Variants in STAT6 observed in about 807,000 individuals in gnomAD.
STAT6 encodes the protein signal transducer and activator of transcription 6.
In STAT6, 45 loss-of-function variants were observed where a neutral mutation model predicts 106.3. The observed-to-expected ratio is 0.42, with a 90% CI of 0.33 to 0.54. The LOEUF (loss-of-function observed/expected upper bound fraction) is 0.54, where lower values mean the gene tolerates loss of function less well. Ranked by LOEUF, STAT6 falls within the 20% of genes least tolerant of loss-of-function variation. The pLI is 0.06. For missense variants in STAT6, 797 were observed against 1,062.2 expected (o/e 0.75, Z 3.47); for synonymous variants, 413 against 413.6 (o/e 1.00, Z 0.02).
rs777231084 is a variant in STAT6, at chr12:57,104,569, C to T, written c.1107G>A (p.Lys369=). ...LFKNLLLKKI[K]RCERKGTESV... The stretch of plus-strand genomic sequence containing the variant: ...ACTCAGTGCCCTTCCGCTCACACCG[C>T]TTGATCTTCTTGAGAAGCTGTGGGT... The change falls in exon 11 of 22, where the codon AAG becomes AAA. Residue 369 remains lysine, a synonymous_variant. Transcript: ENST00000300134. 2 of 1,613,938 alleles carry T rather than the reference C, an allele frequency of 1.2e-6. No homozygotes were observed. Among genetic ancestry groups the T allele is most frequent in the African/African-American group, 1.3e-5 (1 of 74,918 alleles).
intron 6 of STAT6, 93 bp downstream of exon 6, chr12:57,106,435 T>C: frequency 6.2e-7 from 1 of 1,608,012 alleles, no homozygotes; most frequent in Non-Finnish European, 8.5e-7. Flanking sequence ...GGCATTCCCT[T>C]GCCCTACTTC....
At chr12:57,106,506 C>T (rs993259182) in intron 6 of STAT6, 22 bp downstream of exon 6, 15 of 1,613,520 alleles carry the variant, frequency 9.3e-6, no homozygotes, top group Non-Finnish European at 1.1e-5. Context: ...CCAAGGTCTC[C>T]ACCTGTCAGC....
Position 57,104,830 on chromosome 12 carries a change from G to C in STAT6, c.1002-17C>G. 1.2e-6 allele frequency: 2 copies of C among 1,613,934 alleles called. No individual in the cohort carries two copies. Among genetic ancestry groups the C allele is most frequent in the Non-Finnish European group, 1.7e-6 (2 of 1,179,884 alleles). On this transcript the variant is annotated splice_polypyrimidine_tract_variant and intron_variant, in intron 9 of 21. Coordinates refer to ENST00000300134, the MANE Select transcript of STAT6 (RefSeq NM_003153.5). ...GTGCTTTCTCTGCCAGGGGAGGTCA[G>C]AGTGTGAACGAGCTCATCTCACTGT...
In STAT6 at chr12:57,096,966, C is replaced by G. The variant is rs149082783; in HGVS notation, c.2238G>C (p.Pro746=). ...FDQPHPQGLL[P]CQPQEHAVSS... The stretch of plus-strand genomic sequence containing the variant: ...ACACAGCATGCTCCTGAGGCTGGCA[C>G]GGCAGCAGGCCCCTGCCAGGAACCA... The change falls in exon 21 of 22, where the codon CCG becomes CCC. Residue 746 remains proline (P), a synonymous_variant. Transcript: ENST00000300134. 4 of 1,613,310 alleles carry G rather than the reference C, an allele frequency of 2.5e-6. No individual in the cohort carries two copies. Among genetic ancestry groups the G allele is most frequent in the South Asian group, 1.1e-5 (1 of 91,048 alleles).
At chr12:57,101,334 G>A (rs1444752839) in intron 13 of STAT6, among the ~76,000 whole-genome samples, 3 of 150,072 alleles carry the variant, frequency 2.0e-5, no homozygotes, top group Non-Finnish European at 3.0e-5. Flanking sequence ...TGATCCGCCC[G>A]CCTCAGCCTC....
rs1222540868 is a variant in STAT6, at chr12:57,098,833, G to T, written c.2025C>A (p.Ala675=). 1.9e-6 allele frequency: 3 copies of T among 1,613,280 alleles called. No homozygotes were observed. The highest frequency in any genetic ancestry group is 1.7e-6 in the Non-Finnish European group (2 of 1,179,804). The change falls in exon 18 of 22, where the codon GCC becomes GCA. Residue 675 remains alanine, a synonymous_variant. Transcript: ENST00000300134. ...TMVPSYDLGM[A]PDSSMSMQLG... ...GCTGCATGCTCATGGAGGAATCAGG[G>T]GCCATTCCAAGGTCATAAGAAGGCA...
In STAT6 at chr12:57,106,046, C is replaced by G. The variant is rs891929480; in HGVS notation, c.680+145G>C. 4 of 1,389,060 alleles carry G rather than the reference C, an allele frequency of 2.9e-6. No individual in the cohort carries two copies. The African/African-American group carries it at 5.8e-5, about 20-fold the overall frequency. 86.0% of individuals were successfully genotyped at this position (1,389,060 alleles called of 1,614,324 possible). ...GATGCGACCTGAACGACAGTGTGCA[C>G]AGCCCCGCTGGAACTGGCTTTTATG... On this transcript the variant is annotated intron_variant, in intron 7 of 21. Coordinates refer to ENST00000300134, the MANE Select transcript of STAT6 (RefSeq NM_003153.5).
At chr12:57,098,621 T>G in intron 18 of STAT6, 24 bp from the exon 19 acceptor site, 1 of 1,608,442 alleles carries the variant, frequency 6.2e-7, no homozygotes, top group Non-Finnish European at 8.5e-7. Flanking sequence ...ACAGACCCCC[T>G]GATGCCAGCC....
rs1237637072 is a variant in STAT6, at chr12:57,096,706, T to C, written c.2410A>G (p.Lys804Glu). ...TCCCCTTGCCCCTCCAGGAGAAGCTTAGTGAGGTCCTGTTCAGTGGGAGGC... is the reference window on the plus strand; with the variant it reads ...TCCCCTTGCCCCTCCAGGAGAAGCTCAGTGAGGTCCTGTTCAGTGGGAGGC... ...LLPPTEQDLTKLLLEGQGESG... is the reference protein window; with the variant it reads ...LLPPTEQDLTELLLEGQGESG... The change falls in exon 22 of 22, where the codon AAG becomes GAG. Residue 804 changes from lysine (K) to glutamate (E), a missense_variant. Transcript: ENST00000300134. 1.2e-5 allele frequency: 19 copies of C among 1,610,662 alleles called. No individual in the cohort carries two copies. Among genetic ancestry groups the C allele is most frequent in the Non-Finnish European group, 1.6e-5 (19 of 1,178,910 alleles).
In STAT6 at chr12:57,098,335, A is replaced by G. The variant is rs572341781; in HGVS notation, c.2159+170T>C. On this transcript the variant is annotated intron_variant, in intron 19 of 21. Coordinates refer to ENST00000300134, the MANE Select transcript of STAT6 (RefSeq NM_003153.5). Reference sequence around the variant, plus strand: ...CAGTAAGTGGTGGAGCTAGAATTCAAACCTAGGCAGTCCAGATCTTAACTA... The same window carrying G: ...CAGTAAGTGGTGGAGCTAGAATTCAGACCTAGGCAGTCCAGATCTTAACTA... Among the ~76,000 whole-genome samples the G allele has an allele frequency of 2.0e-5, 3 of 152,340 alleles. No individual in the cohort carries two copies. The East Asian group carries it at 5.8e-4, about 29-fold the overall frequency.
rs774208063 is a variant in STAT6 at position 57,105,330 on chromosome 12, C to T, written c.822G>A (p.Leu274=). The T allele has an allele frequency of 5.0e-6, 8 of 1,613,890 alleles. No individual in the cohort carries two copies. In the East Asian group the frequency reaches 8.9e-5, roughly 18 times the overall value. Reference sequence around the variant, plus strand: ...GTACCTGGGGGGGCTGCTTCTCCACCAGGAAGCAACTGGGAGTGAGGAGGA... The same window carrying T: ...GTACCTGGGGGGGCTGCTTCTCCACTAGGAAGCAACTGGGAGTGAGGAGGA... ...VLRTLVTSCF[L]VEKQPPQVLK... Residue 274 remains leucine (L), a synonymous_variant, in exon 9 of 22, where the codon CTG becomes CTA. Coordinates refer to ENST00000300134, the MANE Select transcript of STAT6 (RefSeq NM_003153.5).
At chr12:57,100,700 GAGAA>G (rs56962899) in intron 13 of STAT6, 1,567 of 64,402 alleles carry the variant, frequency 0.024, 47 homozygotes, top group African/African-American at 0.035. Flanking sequence ...AAGAAAGAAA[GAGAA>G]AGAAAGAAAG....
intron 4 of STAT6, 118 bp from the exon 5 acceptor site, chr12:57,106,949 C>A: frequency 6.8e-7 from 1 of 1,476,558 alleles, no homozygotes; most frequent in Non-Finnish European, 9.1e-7. Context: ...TTTGGCAGTT[C>A]TTCCTGACCT....
chr12:57,099,429 T>C lies in STAT6; in HGVS notation c.1756A>G (p.Ile586Val). ...GCAGAGAATGGCTGGATGTTCTCTA[T>C]CTGTGGAGAGCCTATGGTAGGAAGG... is the stretch of plus-strand genomic sequence containing the variant. The part of the protein sequence containing the change: ...VIRGQDGSPQ[I>V]ENIQPFSAKD... Residue 586 changes from isoleucine (I) to valine (V), a missense_variant, in exon 16 of 22, where the codon ATA (isoleucine) becomes GTA (valine). Coordinates refer to ENST00000300134, the MANE Select transcript of STAT6 (RefSeq NM_003153.5). This position sits in a 1 kb window ranked among gnomAD's most constrained non-coding sequence, Gnocchi z 4.7. 6.2e-7 allele frequency: 1 copy of C among 1,614,160 alleles called. No homozygotes were observed. Among genetic ancestry groups the C allele is most frequent in the Non-Finnish European group, 8.5e-7 (1 of 1,180,024 alleles).
At chr12:57,103,293 T>A (rs1208152914) in intron 11 of STAT6, 1 of 162,048 alleles carries the variant, frequency 6.2e-6, no homozygotes, top group African/African-American at 2.5e-5. Context: ...GCCTCCCGAG[T>A]AGCTGGGACT....
Position 57,105,524 on chromosome 12 carries a change from C to T in STAT6, c.756G>A (p.Lys252=). Residue 252 remains lysine (K), a synonymous_variant, in exon 8 of 22, where the codon AAG becomes AAA. Coordinates refer to ENST00000300134, the MANE Select transcript of STAT6 (RefSeq NM_003153.5). ...VGAAGGELEP[K]TRASLTGRLD... is the part of the protein sequence containing the mutation. ...GCCGGCCAGTCAGCGATGCCCGGGT[C>T]TTGGGCTCAAGCTCCCCACCAGCCG... The T allele has an allele frequency of 6.2e-7, 1 of 1,614,086 alleles. No homozygotes were observed. Among genetic ancestry groups the T allele is most frequent in the Non-Finnish European group, 8.5e-7 (1 of 1,179,978 alleles).
chr12:57,106,496 C>T, intron 6 of STAT6, 32 bp downstream of exon 6: 1 of 1,613,116 alleles, frequency 6.2e-7, no homozygotes, highest in Non-Finnish European at 8.5e-7. Flanking sequence ...TGCACTTTGA[C>T]CAAGGTCTCC....
intron 13 of STAT6, among the ~76,000 whole-genome samples, chr12:57,100,368 G>A (rs1213972851): frequency 6.6e-6 from 1 of 152,052 alleles, no homozygotes; most frequent in African/African-American, 2.4e-5. Flanking sequence ...GTCCAAAAAC[G>A]TCGAATGACT....
At chr12:57,100,990 C>T (rs2033892311) in intron 13 of STAT6, 2 of 346,324 alleles carry the variant, frequency 5.8e-6, no homozygotes, top group African/African-American at 2.2e-5. Flanking sequence ...AGCACAGCGC[C>T]TGGCATATAA....
Sources: allele counts gnomAD v4.1 joint callset (sites outside exome capture counted in the v4.1 genomes callset), GRCh38; gene constraint gnomAD v4.1.1; non-coding constraint Gnocchi (gnomAD v3.1); transcripts MANE v1.5; gene names NCBI Gene and HGNC (gene_info 2026-07-23, HGNC 2026-07-21).